PCDH15: variants seen among roughly 807,000 people sequenced by gnomAD.
PCDH15 encodes protocadherin related 15, also known as protocadherin-15.
A neutral mutation model predicts 178.5 loss-of-function variants in PCDH15; 129 were observed. The observed-to-expected ratio is 0.72, with a 90% CI of 0.63 to 0.84. The LOEUF is 0.84. Among genes scored for constraint, PCDH15 ranks in the 40% least tolerant of loss-of-function variants. The pLI is 0.00. For missense variants in PCDH15, 2,230 were observed against 2,099.9 expected (o/e 1.06, Z -1.21); for synonymous variants, 800 against 732.0 (o/e 1.09, Z -1.50).
chr10:54,999,042 T>C (rs963054181), intron 2 of PCDH15, among the ~76,000 whole-genome samples: 2 of 151,536 alleles, frequency 1.3e-5, no homozygotes, highest in East Asian at 1.9e-4. Flanking sequence ...TATATGTATA[T>C]ATAAAGCACT....
At chr10:54,782,805 G>A (rs1384807406) in intron 1 of PCDH15, among the ~76,000 whole-genome samples, 2 of 151,818 alleles carry the variant, frequency 1.3e-5, no homozygotes, top group Non-Finnish European at 2.9e-5. Flanking sequence ...CTCCAGCAAG[G>A]CCTCACCACA....
At chr10:55,370,298 T>C (rs1232243934) in intron 2 of PCDH15, among the ~76,000 whole-genome samples, 2 of 152,038 alleles carry the variant, frequency 1.3e-5, no homozygotes, top group African/African-American at 2.4e-5. Flanking sequence ...ACCAACCAGA[T>C]TGGCTTTTAA....
chr10:54,357,928 T>G (rs1428392701), intron 5 of PCDH15, among the ~76,000 whole-genome samples: 1 of 152,012 alleles, frequency 6.6e-6, no homozygotes, highest in African/African-American at 2.4e-5. Flanking sequence ...ATTCCCTATT[T>G]AATAAATGGT....
At chr10:54,761,322 C>A (rs1383179699) in intron 1 of PCDH15, among the ~76,000 whole-genome samples, 1 of 151,944 alleles carries the variant, frequency 6.6e-6, no homozygotes, top group Non-Finnish European at 1.5e-5. Context: ...GCCAAGAAAC[C>A]GAATGACCTA....
At chr10:55,056,860 C>T (rs1469177182) in intron 2 of PCDH15, among the ~76,000 whole-genome samples, 1 of 151,898 alleles carries the variant, frequency 6.6e-6, no homozygotes, top group Non-Finnish European at 1.5e-5. Flanking sequence ...TCTCAAACTC[C>T]TGACCTCAGG....
intron 3 of PCDH15, among the ~76,000 whole-genome samples, chr10:54,416,711 A>C (rs1170384281): frequency 6.6e-6 from 1 of 152,206 alleles, no homozygotes; most frequent in East Asian, 1.9e-4. Flanking sequence ...ACTGTCTTCC[A>C]CAATGGCTGA....
rs1034517231 is a variant in PCDH15, at chr10:53,805,695, C to T, written c.*884G>A. ...TTTACAAACTATTAAAGTCTAGTGA[C>T]ATTAATGTGAGACTTCCCTAACCTC... On this transcript the variant is annotated 3_prime_UTR_variant, in exon 38 of 38. Coordinates refer to ENST00000644397, the MANE Select transcript of PCDH15 (RefSeq NM_001384140.1). 1.3e-5 allele frequency: 2 copies of T among 152,166 alleles called. No homozygotes were observed. Among genetic ancestry groups the T allele is most frequent in the South Asian group, 2.1e-4 (1 of 4,830 alleles). The allele number at this position is 152,166 out of a possible 1,614,324, so 9.4% of individuals were successfully genotyped here.
chr10:55,595,911 C>T (rs1472461062), intron 2 of PCDH15, among the ~76,000 whole-genome samples: 2 of 151,896 alleles, frequency 1.3e-5, no homozygotes, highest in African/African-American at 2.4e-5. Context: ...TATTATAGTG[C>T]CCATTTAAGA....
intron 2 of PCDH15, among the ~76,000 whole-genome samples, chr10:55,486,588 A>G (rs1379787920): frequency 2.0e-5 from 3 of 151,658 alleles, no homozygotes; most frequent in Non-Finnish European, 3.0e-5. Flanking sequence ...GAGGTAATGA[A>G]CATTGATTCC....
intron 1 of PCDH15, among the ~76,000 whole-genome samples, chr10:55,220,334 T>C (rs750147804): frequency 3.9e-5 from 6 of 152,050 alleles, no homozygotes; most frequent in Non-Finnish European, 5.9e-5. Context: ...TTTTGACTTA[T>C]AGAATTTAAT....
At chr10:55,347,659 G>A (rs1009793980) in intron 2 of PCDH15, among the ~76,000 whole-genome samples, 1 of 152,052 alleles carries the variant, frequency 6.6e-6, no homozygotes, top group African/African-American at 2.4e-5. Flanking sequence ...ATAAATAATA[G>A]CTTCATTGAA....
intron 1 of PCDH15, among the ~76,000 whole-genome samples, chr10:55,301,289 T>C (rs1390444767): frequency 6.6e-6 from 1 of 152,184 alleles, no homozygotes; most frequent in Non-Finnish European, 1.5e-5. Context: ...TGTTACTTAT[T>C]GTATCCATTC....
chr10:55,505,463 A>T (rs1256474054), intron 2 of PCDH15, among the ~76,000 whole-genome samples: 1 of 151,322 alleles, frequency 6.6e-6, no homozygotes, highest in East Asian at 1.9e-4. Context: ...AGACAAGGAC[A>T]TGGTGATTTT....
intron 3 of PCDH15, among the ~76,000 whole-genome samples, chr10:54,833,391 A>G (rs1953259208): frequency 6.6e-6 from 1 of 152,168 alleles, no homozygotes; most frequent in Admixed American, 6.6e-5. Flanking sequence ...AAAGCAGATT[A>G]CCCTCCACAA....
chr10:54,547,766 A>G (rs1306331640), intron 2 of PCDH15, among the ~76,000 whole-genome samples: 2 of 152,084 alleles, frequency 1.3e-5, no homozygotes, highest in African/African-American at 4.8e-5. Flanking sequence ...TTGGTGCACA[A>G]TTTGAGGAAT....
intron 15 of PCDH15, among the ~76,000 whole-genome samples, chr10:54,119,650 T>C (rs566401581): frequency 6.6e-6 from 1 of 152,096 alleles, no homozygotes; most frequent in Non-Finnish European, 1.5e-5. Flanking sequence ...CAAGAGAACA[T>C]CTGTGAGATA....
intron 2 of PCDH15, among the ~76,000 whole-genome samples, chr10:54,534,500 T>C (rs2084270312): frequency 6.6e-6 from 1 of 152,182 alleles, no homozygotes; most frequent in Non-Finnish European, 1.5e-5. Context: ...GCCCCTGATA[T>C]GAGTTGGTGA....
At chr10:54,435,253 A>C (rs977703566) in intron 3 of PCDH15, among the ~76,000 whole-genome samples, 10 of 152,154 alleles carry the variant, frequency 6.6e-5, no homozygotes, top group African/African-American at 1.9e-4. Context: ...TTAATCACAA[A>C]GATGTTGAAC....
At chr10:54,860,243 C>T (rs1009583611) in intron 3 of PCDH15, among the ~76,000 whole-genome samples, 3 of 152,090 alleles carry the variant, frequency 2.0e-5, no homozygotes, top group South Asian at 2.1e-4. Flanking sequence ...CTGATTCTAT[C>T]ACCCAGGTAG....
Sources: allele counts gnomAD v4.1 joint callset (sites outside exome capture counted in the v4.1 genomes callset), GRCh38; gene constraint gnomAD v4.1.1; transcripts MANE v1.5; gene names NCBI Gene and HGNC (gene_info 2026-07-23, HGNC 2026-07-21).